Variants in AP1M1 observed in about 807,000 individuals in gnomAD.
AP1M1 encodes the protein AP-1 complex subunit mu-1.
In AP1M1, 18 loss-of-function variants were observed where a neutral mutation model predicts 57.1. The ratio of observed to expected loss-of-function variants is 0.32; its 90% CI spans 0.22 to 0.47. The LOEUF (loss-of-function observed/expected upper bound fraction) is 0.47. Among genes scored for constraint, AP1M1 ranks in the 20% least tolerant of loss-of-function variants. The probability of loss-of-function intolerance (pLI) is 1.00; values close to 1 mark genes in which losing one functional copy is unlikely to be tolerated. For missense variants in AP1M1, 362 were observed against 593.5 expected (o/e 0.61, Z 4.05); for synonymous variants, 241 against 237.9 (o/e 1.01, Z -0.12).
Position 16,215,204 on chromosome 19 carries a change from GGGGGGGGAGA to G in AP1M1, c.546+6034_546+6043del, listed in dbSNP as rs1375560821. ...TTTGGGAGGCTAAGGCGGGGGCGGG[GGGGGGGGAGA>G]GGGGGGAGGGGGGAGGGGAGGGGAT... On this transcript the variant is annotated intron_variant, in intron 5 of 11. Coordinates refer to ENST00000291439, the MANE Select transcript of AP1M1 (RefSeq NM_032493.4). Among the ~76,000 whole-genome samples, 17 of 50,928 alleles carry G rather than the reference GGGGGGGGAGA, an allele frequency of 3.3e-4. 4 individuals are homozygous for G. The highest frequency in any genetic ancestry group is 5.2e-4 in the Non-Finnish European group (9 of 17,450). The allele number at this position is 50,928 out of a possible 152,430, so 33.4% of individuals were successfully genotyped here.
At position 16,206,487 on chromosome 19, in the gene AP1M1, A is replaced by G. The variant is rs1239456666; in HGVS notation, c.267+79A>G. 6.7e-7 allele frequency: 1 copy of G among 1,482,546 alleles called. No homozygotes were observed. The highest frequency in any genetic ancestry group is 9.4e-7 in the Non-Finnish European group (1 of 1,064,150). 91.8% of individuals were successfully genotyped at this position (1,482,546 alleles called of 1,614,324 possible). A position where few individuals can be genotyped will look rare whatever the true frequency, so the allele number is the denominator to read the frequency against. On this transcript the variant is annotated intron_variant, in intron 3 of 11. Transcript: ENST00000291439. This position sits in a 1 kb window ranked among gnomAD's most constrained non-coding sequence, Gnocchi z 4.3. ...CTTGTGGACCTCCCCATACCTGGCC[A>G]CCCTACAGAGAGCTGTGGCATCCCC...
Position 16,206,407 on chromosome 19 carries a change from A to C in AP1M1, c.266A>C (p.Gln89Pro). 1 of 1,613,960 alleles carries C rather than the reference A, an allele frequency of 6.2e-7. No individual in the cohort carries two copies. Among genetic ancestry groups the C allele is most frequent in the Middle Eastern group, 1.7e-4 (1 of 6,060 alleles). The change falls in exon 3 of 12, where the codon CAG (glutamine) becomes CCG (proline). Residue 89 changes from glutamine to proline, a missense_variant and splice_region_variant. By Grantham distance (76) the Gln-to-Pro change is moderately conservative (BLOSUM62 -1). Around this residue, in one of 2 missense-constraint regions of AP1M1, gnomAD observed 337 missense variants for 511.1 expected, o/e 0.66. Transcript: ENST00000291439. This position sits in a 1 kb window ranked among gnomAD's most constrained non-coding sequence, Gnocchi z 4.3. ...LVFSFLYKVVQVFSEYFKELE... is the reference protein window; with the variant it reads ...LVFSFLYKVVPVFSEYFKELE... Reference sequence around the variant, plus strand: ...TTTTCTTTCCTCTATAAGGTGGTGCAGGTGAGTCTCGCTCGGAGGGGCCGT... The same window carrying C: ...TTTTCTTTCCTCTATAAGGTGGTGCCGGTGAGTCTCGCTCGGAGGGGCCGT...
chr19:16,214,066 T>TTTTTTA (rs2091507087), intron 5 of AP1M1, among the ~76,000 whole-genome samples: 1 of 150,920 alleles, frequency 6.6e-6, no homozygotes, highest in Non-Finnish European at 1.5e-5. Flanking sequence ...TTTTTTTTTT[T>TTTTTTA]GAGACAAAGT....
chr19:16,200,452 A>G (rs2145109893), intron 1 of AP1M1, among the ~76,000 whole-genome samples: 1 of 152,150 alleles, frequency 6.6e-6, no homozygotes, highest in East Asian at 1.9e-4. Context: ...CCGTGAGGAG[A>G]CCGTAGCCCA....
At position 16,213,959 on chromosome 19, in the gene AP1M1, T is replaced by C. The variant is rs145319034; in HGVS notation, c.546+4782T>C. ...TTGTGTTGTTAGCTGTTTATTATGC[T>C]GACTTGTTTGTGTGGTTGCTTTATA... On this transcript the variant is annotated intron_variant, in intron 5 of 11. Coordinates refer to ENST00000291439, the MANE Select transcript of AP1M1 (RefSeq NM_032493.4). Among the ~76,000 whole-genome samples the C allele has an allele frequency of 3.0e-4, 46 of 152,364 alleles. 1 individual carries two copies. In the East Asian group the frequency reaches 7.3e-3, roughly 24 times the overall value.
At chr19:16,221,216 C>T (rs890207737) in intron 5 of AP1M1, among the ~76,000 whole-genome samples, 1 of 152,218 alleles carries the variant, frequency 6.6e-6, no homozygotes, top group Non-Finnish European at 1.5e-5. Context: ...CAACCTCTGC[C>T]TCCCAGGTTC....
At chr19:16,215,019 G>A (rs901203360) in intron 5 of AP1M1, among the ~76,000 whole-genome samples, 1 of 151,250 alleles carries the variant, frequency 6.6e-6, no homozygotes, top group Non-Finnish European at 1.5e-5. Flanking sequence ...AAAGTGCTGG[G>A]ATTACAGGTT....
intron 1 of AP1M1, among the ~76,000 whole-genome samples, chr19:16,199,860 A>G (rs1599449945): frequency 1.3e-5 from 2 of 152,052 alleles, no homozygotes; most frequent in African/African-American, 4.8e-5. Context: ...TTATTCCTTC[A>G]GCAAACATTT....
intron 5 of AP1M1, among the ~76,000 whole-genome samples, chr19:16,221,534 G>A (rs2091544371): frequency 6.6e-6 from 1 of 152,108 alleles, no homozygotes; most frequent in Non-Finnish European, 1.5e-5. Context: ...TAAAGGCAAG[G>A]GAGAACAAAG....
intron 5 of AP1M1, among the ~76,000 whole-genome samples, chr19:16,217,506 G>A (rs1810251860): frequency 6.6e-6 from 1 of 152,280 alleles, no homozygotes. Flanking sequence ...GTGGGCTAGT[G>A]TGTCCATGGG....
chr19:16,212,683 G>A (rs946837299), intron 5 of AP1M1, among the ~76,000 whole-genome samples: 1 of 152,164 alleles, frequency 6.6e-6, no homozygotes, highest in African/African-American at 2.4e-5. Context: ...TTTTAGTTGT[G>A]ATGTTAGGTT....
intron 9 of AP1M1, among the ~76,000 whole-genome samples, chr19:16,231,336 TTAGA>T (rs922245714): frequency 2.7e-5 from 4 of 147,434 alleles, no homozygotes; most frequent in African/African-American, 5.0e-5. Context: ...GAAATACAGA[TTAGA>T]TAGATAGATA....
At chr19:16,223,520 C>T (rs541120170) in intron 5 of AP1M1, among the ~76,000 whole-genome samples, 7 of 152,314 alleles carry the variant, frequency 4.6e-5, no homozygotes, top group East Asian at 1.9e-4. Flanking sequence ...AAAAGGACAA[C>T]GGTTGCCCCA....
At chr19:16,217,303 G>C (rs1209339050) in intron 5 of AP1M1, among the ~76,000 whole-genome samples, 1 of 152,034 alleles carries the variant, frequency 6.6e-6, no homozygotes, top group Non-Finnish European at 1.5e-5. Flanking sequence ...TGGGAGAGGA[G>C]AATGAGGGGC....
chr19:16,234,825 C>T lies in AP1M1; in HGVS notation c.*390C>T, dbSNP rs2091618064. On this transcript the variant is annotated 3_prime_UTR_variant, in exon 12 of 12. Transcript: ENST00000291439. ...GAAGGAAGCGCCAGCCTCGCCAGGC[C>T]AGCAGGGGCGTCGTTTTGTTGCCAT... 1 of 356,540 alleles carries T rather than the reference C, an allele frequency of 2.8e-6. No individual in the cohort carries two copies. The highest frequency in any genetic ancestry group is 2.0e-5 in the African/African-American group (1 of 49,002). 22.1% of individuals were successfully genotyped at this position (356,540 alleles called of 1,614,324 possible). A position where few individuals can be genotyped will look rare whatever the true frequency, so the allele number is the denominator to read the frequency against.
intron 2 of AP1M1, among the ~76,000 whole-genome samples, chr19:16,205,988 G>A (rs1280182442): frequency 6.6e-6 from 1 of 152,114 alleles, no homozygotes; most frequent in African/African-American, 2.4e-5. Flanking sequence ...GGAGGAGCAG[G>A]GCCAGTGTGT....
chr19:16,226,418 C>A lies in AP1M1; in HGVS notation c.547-3C>A. Reference sequence around the variant, plus strand: ...CCCCTCACGCCCACACCGCCACCCCCAGGTCAGCGCCAACGGCAATGTCCT... The same window carrying A: ...CCCCTCACGCCCACACCGCCACCCCAAGGTCAGCGCCAACGGCAATGTCCT... On this transcript the variant is annotated splice_polypyrimidine_tract_variant and splice_region_variant and intron_variant, in intron 5 of 11. Transcript: ENST00000291439. The A allele has an allele frequency of 2.0e-6, 3 of 1,531,696 alleles. No individual in the cohort carries two copies. The highest frequency in any genetic ancestry group is 2.4e-5 in the East Asian group (1 of 42,076). 94.9% of individuals were successfully genotyped at this position (1,531,696 alleles called of 1,614,324 possible). A position where few individuals can be genotyped will look rare whatever the true frequency, so the allele number is the denominator to read the frequency against.
intron 4 of AP1M1, among the ~76,000 whole-genome samples, chr19:16,208,481 C>G (rs1284001461): frequency 2.6e-5 from 4 of 152,160 alleles, no homozygotes; most frequent in South Asian, 4.1e-4. Flanking sequence ...CTTTGGAATC[C>G]TGCCCTTCAG....
At position 16,244,731 on chromosome 19, in the gene AP1M1, G is replaced by A. The variant is rs1310645862; in HGVS notation, c.*10296G>A. The stretch of plus-strand genomic sequence containing the variant: ...TGTAGTCCCAGCTACTCCGGAGGCT[G>A]AGGCAGGAGAATGGCGTGAACCCGG... On this transcript the variant is annotated 3_prime_UTR_variant, in exon 12 of 12. Coordinates refer to ENST00000291439, the MANE Select transcript of AP1M1 (RefSeq NM_032493.4). 1 of 151,906 alleles carries A rather than the reference G, an allele frequency of 6.6e-6. No individual in the cohort carries two copies. The highest frequency in any genetic ancestry group is 2.4e-5 in the African/African-American group (1 of 41,396). 9.4% of individuals were successfully genotyped at this position (151,906 alleles called of 1,614,324 possible).
Sources: allele counts gnomAD v4.1 joint callset (sites outside exome capture counted in the v4.1 genomes callset), GRCh38; gene constraint gnomAD v4.1.1; regional missense constraint gnomAD v4.1.1; non-coding constraint Gnocchi (gnomAD v3.1); transcripts MANE v1.5; gene names NCBI Gene and HGNC (gene_info 2026-07-23, HGNC 2026-07-21).